BACH1: variants seen among roughly 807,000 people sequenced by gnomAD.
The protein encoded by BACH1 is BTB domain and CNC homolog 1.
BACH1 carries 35 observed loss-of-function variants against 52.9 expected under a neutral mutation model. The ratio of observed to expected loss-of-function variants is 0.66; its 90% CI spans 0.51 to 0.88. The LOEUF (loss-of-function observed/expected upper bound fraction) is 0.88, where lower values mean the gene tolerates loss of function less well. Ranked by LOEUF, BACH1 falls within the 40% of genes least tolerant of loss-of-function variation. The pLI, the probability that BACH1 is intolerant of heterozygous loss-of-function variation, is 0.00. For missense variants in BACH1, 808 were observed against 872.6 expected (o/e 0.93, Z 0.93); for synonymous variants, 321 against 319.6 (o/e 1.00, Z -0.05).
At chr21:29,354,531 T>C (rs1478677263) in intron 2 of BACH1, among the ~76,000 whole-genome samples, 1 of 152,166 alleles carries the variant, frequency 6.6e-6, no homozygotes, top group Non-Finnish European at 1.5e-5. Flanking sequence ...GTGGCCAGAT[T>C]CATGAAACAT....
chr21:29,329,805 A>T, intron 4 of BACH1, 112 bp downstream of exon 4: 1 of 761,658 alleles, frequency 1.3e-6, no homozygotes. Flanking sequence ...TTATTTTAAT[A>T]TGTATCAATT....
At chr21:29,358,770 AAAAG>A (rs373884402) in intron 2 of BACH1, among the ~76,000 whole-genome samples, 5,286 of 108,852 alleles carry the variant, frequency 0.049, 186 homozygotes, top group South Asian at 0.13. Flanking sequence ...AAAAGAAAAG[AAAAG>A]AAAGAAAGAA....
chr21:29,354,272 G>C (rs1041395049), intron 2 of BACH1, among the ~76,000 whole-genome samples: 3 of 151,992 alleles, frequency 2.0e-5, no homozygotes, highest in Admixed American at 6.6e-5. Flanking sequence ...GTCAGGAGAG[G>C]GGTGAGAAGA....
chr21:29,347,982 GAAAA>G (rs1373965712), downstream of BACH1, among the ~76,000 whole-genome samples: 1 of 151,842 alleles, frequency 6.6e-6, no homozygotes, highest in East Asian at 1.9e-4. Flanking sequence ...AACTTTTAGA[GAAAA>G]AAATTCAAAG....
intron 2 of BACH1, among the ~76,000 whole-genome samples, chr21:29,356,397 T>C (rs940786530): frequency 6.6e-6 from 1 of 152,382 alleles, no homozygotes; most frequent in East Asian, 1.9e-4. Context: ...TCCTTCCTGA[T>C]ACTGTAAGTA....
chr21:29,342,738 T>A lies in BACH1; in HGVS notation c.2116T>A (p.Ser706Thr). The change falls in exon 5 of 5, where the codon TCT becomes ACT. Residue 706 changes from serine to threonine, a missense_variant. Physicochemically the swap from Ser to Thr is moderately conservative, Grantham distance 58. Coordinates refer to ENST00000286800, the MANE Select transcript of BACH1 (RefSeq NM_001186.4). ...GTCCCAGCAGATGTCCACAGCCACCTCTGAGCAAGCTGGGCCTGCGGAACA... is the reference window on the plus strand; with the variant it reads ...GTCCCAGCAGATGTCCACAGCCACCACTGAGCAAGCTGGGCCTGCGGAACA... ...QESQQMSTAT[S>T]EQAGPAEQCR... The A allele has an allele frequency of 6.2e-7, 1 of 1,614,200 alleles. No homozygotes were observed. The highest frequency in any genetic ancestry group is 8.5e-7 in the Non-Finnish European group (1 of 1,180,036).
chr21:29,325,537 A>G (rs1220411217), intron 2 of BACH1, among the ~76,000 whole-genome samples: 1 of 152,246 alleles, frequency 6.6e-6, no homozygotes, highest in Non-Finnish European at 1.5e-5. Flanking sequence ...TTTTGACAGT[A>G]AAGTTAATAG....
Position 29,304,978 on chromosome 21 carries a change from TTAAA to T in BACH1, c.-61+6028_-61+6031del, listed in dbSNP as rs1260740492. ...AATTTCATTAATGTGTATTTTATAT[TTAAA>T]TATTATTTTAAAAAATGTACAGTGG... On this transcript the variant is annotated intron_variant, in intron 1 of 4. Transcript: ENST00000286800. Among the ~76,000 whole-genome samples the T allele has an allele frequency of 2.0e-5, 3 of 152,180 alleles. No homozygotes were observed. The East Asian group carries it at 5.8e-4, about 29-fold the overall frequency.
chr21:29,302,583 G>A (rs2088615407), intron 1 of BACH1, among the ~76,000 whole-genome samples: 1 of 152,206 alleles, frequency 6.6e-6, no homozygotes, highest in Admixed American at 6.5e-5. Flanking sequence ...AAACAGGGGT[G>A]GTGATAGTAG....
chr21:29,299,265 G>A (rs1416563527), intron 1 of BACH1, among the ~76,000 whole-genome samples: 1 of 151,814 alleles, frequency 6.6e-6, no homozygotes, highest in East Asian at 1.9e-4. Flanking sequence ...GCTGGGGGCC[G>A]CGGGGTCCCT....
At chr21:29,335,570 A>G (rs1381605328) in intron 4 of BACH1, among the ~76,000 whole-genome samples, 1 of 152,204 alleles carries the variant, frequency 6.6e-6, no homozygotes, top group East Asian at 1.9e-4. Context: ...AAAAATTTCA[A>G]GCTTTCAGAA....
Position 29,342,982 on chromosome 21 carries a change from A to C in BACH1, c.*149A>C. 1 of 738,302 alleles carries C rather than the reference A, an allele frequency of 1.4e-6. No individual in the cohort carries two copies. Among genetic ancestry groups the C allele is most frequent in the South Asian group, 2.9e-5 (1 of 34,684 alleles). 45.7% of individuals were successfully genotyped at this position (738,302 alleles called of 1,614,324 possible). On this transcript the variant is annotated 3_prime_UTR_variant, in exon 5 of 5. Coordinates refer to ENST00000286800, the MANE Select transcript of BACH1 (RefSeq NM_001186.4). ...GGGAATTTCCTTTAAGTCAACCATG[A>C]TTTCTCCTTGATTTCTACAAGAGAC...
intron 4 of BACH1, among the ~76,000 whole-genome samples, chr21:29,333,884 C>T (rs1474219039): frequency 1.3e-5 from 2 of 152,112 alleles, no homozygotes; most frequent in Non-Finnish European, 2.9e-5. Flanking sequence ...TAAGGTATTT[C>T]TCAACAAGAA....
chr21:29,329,497 C>T lies in BACH1; in HGVS notation c.1580C>T (p.Pro527Leu). 6.4e-7 allele frequency: 1 copy of T among 1,553,762 alleles called. No homozygotes were observed. Among genetic ancestry groups the T allele is most frequent in the Non-Finnish European group, 8.7e-7 (1 of 1,153,842 alleles). ...AREQECEVKLPFNAQRIISLS... is the reference protein window; with the variant it reads ...AREQECEVKLLFNAQRIISLS... ...TATTTCATATTCTAGGTAAAACTGCCATTCAATGCACAACGGATAATTTCA... is the reference window on the plus strand; with the variant it reads ...TATTTCATATTCTAGGTAAAACTGCTATTCAATGCACAACGGATAATTTCA... Residue 527 changes from proline (P) to leucine (L), a missense_variant, in exon 4 of 5, where the codon CCA becomes CTA. Pro to Leu is a moderately conservative substitution (Grantham distance 98). Transcript: ENST00000286800.
At chr21:29,336,736 A>G (rs1172417091) in intron 4 of BACH1, among the ~76,000 whole-genome samples, 1 of 151,548 alleles carries the variant, frequency 6.6e-6, no homozygotes, top group African/African-American at 2.4e-5. Context: ...CAGTGGCGTG[A>G]TCTCAGCTCA....
At chr21:29,306,573 A>G (rs1310011246) in intron 1 of BACH1, among the ~76,000 whole-genome samples, 1 of 152,106 alleles carries the variant, frequency 6.6e-6, no homozygotes, top group Non-Finnish European at 1.5e-5. Context: ...GCTGGGGTCT[A>G]CTTCCTTGGA....
At chr21:29,321,184 A>G (rs2088842998) in intron 1 of BACH1, 37 bp from the exon 2 acceptor site, 5 of 1,037,636 alleles carry the variant, frequency 4.8e-6, no homozygotes, top group Non-Finnish European at 5.8e-6. Context: ...TTTTAACAAG[A>G]TGTTATTTAA....
At chr21:29,304,615 A>G (rs2088635770) in intron 1 of BACH1, among the ~76,000 whole-genome samples, 1 of 152,162 alleles carries the variant, frequency 6.6e-6, no homozygotes, top group South Asian at 2.1e-4. Flanking sequence ...CTAAGGCTGT[A>G]GAGTAAATAG....
At position 29,345,291 on chromosome 21, in the gene BACH1, C is replaced by G. The variant is rs2089157686; in HGVS notation, c.*2458C>G. On this transcript the variant is annotated 3_prime_UTR_variant, in exon 5 of 5. Transcript: ENST00000286800. The stretch of plus-strand genomic sequence containing the variant: ...TTTTTTCTAAGAAAATGTTTCAAGG[C>G]AATATTTTTTTTGAGGCTGCCGAAG... 6.7e-6 allele frequency: 1 copy of G among 149,096 alleles called. No homozygotes were observed. The highest frequency in any genetic ancestry group is 2.4e-5 in the African/African-American group (1 of 41,188). 9.2% of individuals were successfully genotyped at this position (149,096 alleles called of 1,614,324 possible).
Sources: gnomAD v4.1 joint callset for allele counts (sites outside exome capture counted in the v4.1 genomes callset) on GRCh38, gnomAD v4.1.1 for gene constraint, MANE v1.5 for transcripts, NCBI Gene and HGNC (gene_info 2026-07-23, HGNC 2026-07-21) for gene names.